The following GET1 variants were observed in gnomAD, a reference collection of about 807,000 sequenced individuals.
GET1 encodes the protein guided entry of tail-anchored proteins factor 1, also known as congenital heart disease 5 protein.
Under a neutral mutation model 22.6 loss-of-function variants are expected in GET1, and 20 were observed. That is an observed-to-expected ratio of 0.89 (90% CI 0.62 to 1.29). The LOEUF (loss-of-function observed/expected upper bound fraction) is 1.29, where lower values mean the gene tolerates loss of function less well. Among genes scored for constraint, GET1 ranks in the 50% most tolerant of loss-of-function variants. GET1 has a pLI of 0.00. For missense variants in GET1, 209 were observed against 219.9 expected (o/e 0.95, Z 0.31); for synonymous variants, 92 against 83.8 (o/e 1.10, Z -0.53).
At position 39,391,847 on chromosome 21, in the gene GET1, T is replaced by C. The variant is rs2038316125; in HGVS notation, c.336+11T>C. The stretch of plus-strand genomic sequence containing the variant: ...TTCTACGTATTGCAGGTAAGTGTGC[T>C]AGAGCGTCAGCCGGGTCATTGGAGT... On this transcript the variant is annotated intron_variant, in intron 3 of 4. Coordinates refer to ENST00000649170, the MANE Select transcript of GET1 (RefSeq NM_004627.6). 1 of 1,614,064 alleles carries C rather than the reference T, an allele frequency of 6.2e-7. No individual in the cohort carries two copies.
chr21:39,380,369 G>A lies in GET1; in HGVS notation c.-16G>A. On this transcript the variant is annotated 5_prime_UTR_variant, in exon 1 of 5. Transcript: ENST00000649170. Reference sequence around the variant, plus strand: ...GAGCTGCCGTAGCGGACCCAGCACAGCCAGGAGCGTCCGGGATGAGCTCAG... The same window carrying A: ...GAGCTGCCGTAGCGGACCCAGCACAACCAGGAGCGTCCGGGATGAGCTCAG... 6 of 1,589,378 alleles carry A rather than the reference G, an allele frequency of 3.8e-6. No homozygotes were observed. The highest frequency in any genetic ancestry group is 1.1e-5 in the South Asian group (1 of 88,318).
chr21:39,398,762 C>T (rs922221164), downstream of GET1, among the ~76,000 whole-genome samples: 5 of 151,604 alleles, frequency 3.3e-5, no homozygotes, highest in African/African-American at 7.3e-5. Context: ...TACAGGCGCC[C>T]GCCGTCACGC....
At chr21:39,408,154 G>T (rs960638486), downstream of GET1, among the ~76,000 whole-genome samples, 1 of 152,190 alleles carries the variant, frequency 6.6e-6, no homozygotes, top group African/African-American at 2.4e-5. Context: ...TCTCCCACGA[G>T]TGGTAATGTA....
chr21:39,391,739 C>T, intron 2 of GET1, 30 bp from the exon 3 acceptor site: 1 of 1,606,566 alleles, frequency 6.2e-7, no homozygotes, highest in Non-Finnish European at 8.5e-7. Flanking sequence ...TCAGGACTGA[C>T]ATAATTATTT....
At chr21:39,405,816 A>G (rs2039008222) in intron 4 of GET1, 1 of 1,241,992 alleles carries the variant, frequency 8.1e-7, no homozygotes, top group South Asian at 1.6e-5. Context: ...CACATTTCAA[A>G]AATAAGATGC....
intron 1 of GET1, among the ~76,000 whole-genome samples, chr21:39,419,772 CT>C (rs996149951): frequency 7.0e-4 from 107 of 152,160 alleles, no homozygotes; most frequent in African/African-American, 2.5e-3. Flanking sequence ...AAGAATCAAG[CT>C]TAAGATTTAT....
rs2038312561 is a variant in GET1 at position 39,391,780 on chromosome 21, A to T, written c.280A>T (p.Thr94Ser). Residue 94 changes from threonine (T) to serine (S), a missense_variant, in exon 3 of 5, where the codon ACA becomes TCA. Thr to Ser is a moderately conservative substitution (Grantham distance 58). Coordinates refer to ENST00000649170, the MANE Select transcript of GET1 (RefSeq NM_004627.6). ...GTTTTTCCTTTCAGTGAAAGCTCGG[A>T]CAGCTCAATTAGCCAAGATAAAATG... is the stretch of plus-strand genomic sequence containing the variant. The part of the protein sequence containing the change: ...DKLKTHVKAR[T>S]AQLAKIKWVI... 1 of 1,614,064 alleles carries T rather than the reference A, an allele frequency of 6.2e-7. No homozygotes were observed. The highest frequency in any genetic ancestry group is 1.7e-5 in the Admixed American group (1 of 60,006).
At chr21:39,404,995 C>T (rs2038968598) in intron 4 of GET1, among the ~76,000 whole-genome samples, 1 of 151,882 alleles carries the variant, frequency 6.6e-6, no homozygotes, top group African/African-American at 2.4e-5. Flanking sequence ...CCACACCCAG[C>T]TGATTTTTTG....
intron 1 of GET1, chr21:39,386,495 CT>C (rs547334935): frequency 2.4e-4 from 37 of 152,508 alleles, no homozygotes; most frequent in Admixed American, 2.0e-3. Flanking sequence ...GAGCTGCCCG[CT>C]TCTCCGCCCT....
rs1260010512 is a variant in GET1 at position 39,397,864 on chromosome 21, C to T, written c.*925C>T. The T allele has an allele frequency of 1.3e-5, 2 of 152,174 alleles. No homozygotes were observed. Among genetic ancestry groups the T allele is most frequent in the South Asian group, 2.1e-4 (1 of 4,826 alleles). 9.4% of individuals were successfully genotyped at this position (152,174 alleles called of 1,614,324 possible). On this transcript the variant is annotated 3_prime_UTR_variant, in exon 5 of 5. Transcript: ENST00000649170. ...GTGGCTGTTAACTGAGTCACCATAT[C>T]CCAGTAAAGCTGAATTTTCTCACTA...
At chr21:39,381,017 C>A in intron 1 of GET1, 1 of 922,144 alleles carries the variant, frequency 1.1e-6, no homozygotes, top group South Asian at 5.0e-5. Flanking sequence ...CACTCTCTTT[C>A]TGCCAGGTAG....
intron 1 of GET1, among the ~76,000 whole-genome samples, chr21:39,390,187 A>T (rs572589998): frequency 9.1e-4 from 138 of 151,974 alleles, no homozygotes; most frequent in Admixed American, 1.4e-3. Flanking sequence ...GTCTGGCCAA[A>T]CCCATGCTGG....
rs753390037 is a variant in GET1 at position 39,390,797 on chromosome 21, G to A, written c.202G>A (p.Glu68Lys). The change falls in exon 2 of 5, where the codon GAG becomes AAG. Residue 68 changes from glutamate to lysine, a missense_variant. Physicochemically the swap from Glu to Lys is moderately conservative, Grantham distance 56. Transcript: ENST00000649170. ...QELSTVNMMD[E>K]FARYARLERK... ...GCTCTCCACAGTCAACATGATGGAC[G>A]AGTTTGCCAGATATGCCAGGCTGGA... 5.0e-6 allele frequency: 8 copies of A among 1,614,066 alleles called. No homozygotes were observed. The highest frequency in any genetic ancestry group is 3.3e-5 in the South Asian group (3 of 91,086).
At chr21:39,406,095 T>TTCCA (rs1225237724) in exon 5 of GET1, 2 of 1,614,120 alleles carry the variant, frequency 1.2e-6, no homozygotes, top group African/African-American at 2.7e-5. Context: ...CAAAGAGTTC[T>TTCCA]TCCATGAGAC....
rs568210419 is a variant in GET1, at chr21:39,419,976, A to G, written c.*24-8256A>G. Among the ~76,000 whole-genome samples the G allele has an allele frequency of 9.2e-5, 14 of 152,328 alleles. No individual in the cohort carries two copies. In the South Asian group the frequency reaches 2.9e-3, roughly 32 times the overall value. Reference sequence around the variant, plus strand: ...TAAGTAAAACTAAGATAAATTTATGAGTCATTAAAATTTATCTTAAATATT... The same window carrying G: ...TAAGTAAAACTAAGATAAATTTATGGGTCATTAAAATTTATCTTAAATATT... On this transcript the variant is annotated intron_variant, in intron 1 of 1. Transcript: ENST00000478273.
chr21:39,382,981 T>C (rs1313944355), intron 1 of GET1, among the ~76,000 whole-genome samples: 3 of 152,068 alleles, frequency 2.0e-5, no homozygotes, highest in Non-Finnish European at 2.9e-5. Context: ...GATGGAGTCT[T>C]GCTCCGTTGC....
chr21:39,384,638 T>A (rs1478609599), intron 1 of GET1, among the ~76,000 whole-genome samples: 3 of 151,910 alleles, frequency 2.0e-5, no homozygotes, highest in African/African-American at 7.3e-5. Context: ...ACTTGTGTCA[T>A]GGGTGTTTGT....
chr21:39,406,820 C>G (rs1407974121), downstream of GET1: 1 of 473,326 alleles, frequency 2.1e-6, no homozygotes, highest in East Asian at 3.3e-5. Flanking sequence ...ACTTCCCAAG[C>G]AGATGGGAAT....
chr21:39,418,751 C>T (rs1418002098), intron 1 of GET1, among the ~76,000 whole-genome samples: 1 of 151,826 alleles, frequency 6.6e-6, no homozygotes, highest in African/African-American at 2.4e-5. Flanking sequence ...CTGCCCGCCT[C>T]GGCCTCCCAA....
Sources: gnomAD v4.1 joint callset for allele counts (sites outside exome capture counted in the v4.1 genomes callset) on GRCh38, gnomAD v4.1.1 for gene constraint, MANE v1.5 for transcripts, NCBI Gene and HGNC (gene_info 2026-07-23, HGNC 2026-07-21) for gene names.